Variants in MAP3K2 observed in about 807,000 individuals in gnomAD.
MAP3K2 encodes mitogen-activated protein kinase kinase kinase 2.
A neutral mutation model predicts 80.3 loss-of-function variants in MAP3K2; 24 were observed. That is an observed-to-expected ratio of 0.30 (90% confidence interval 0.22 to 0.42). The LOEUF is 0.42. Among genes scored for constraint, MAP3K2 ranks in the 10% least tolerant of loss-of-function variants. MAP3K2 has a pLI of 1.00. For missense variants in MAP3K2, 608 were observed against 750.1 expected (o/e 0.81, Z 2.21); for synonymous variants, 244 against 253.7 (o/e 0.96, Z 0.36).
In MAP3K2 at chr2:127,307,537, T is replaced by C; in HGVS notation, c.*42A>G. The C allele has an allele frequency of 7.6e-7, 1 of 1,322,862 alleles. No homozygotes were observed. Among genetic ancestry groups the C allele is most frequent in the South Asian group, 1.3e-5 (1 of 76,096 alleles). 81.9% of individuals were successfully genotyped at this position (1,322,862 alleles called of 1,614,324 possible). A position where few individuals can be genotyped will look rare whatever the true frequency, so the allele number is the denominator to read the frequency against. On this transcript the variant is annotated 3_prime_UTR_variant, in exon 17 of 17. Transcript: ENST00000682094. This position sits in a 1 kb window ranked among gnomAD's most constrained non-coding sequence, Gnocchi z 5.4. ...TGCAGTCAGAGAGAAGGTGAATGAA[T>C]AGATGGGAGCTAGGTAGAGGCACAG...
In MAP3K2 at chr2:127,335,902, G is replaced by T; in HGVS notation, c.232C>A (p.Gln78Lys). 1 of 1,573,424 alleles carries T rather than the reference G, an allele frequency of 6.4e-7. No individual in the cohort carries two copies. The highest frequency in any genetic ancestry group is 8.6e-7 in the Non-Finnish European group (1 of 1,156,104). Residue 78 changes from glutamine (Q) to lysine (K), a missense_variant, in exon 5 of 17, where the codon CAG becomes AAG. Coordinates refer to ENST00000682094, the MANE Select transcript of MAP3K2 (RefSeq NM_001371910.2). ...TTGGTATAATGTAGATCCATAGACTGTCCAAAGGCAATTTTAGCTTTAGAT... is the reference window on the plus strand; with the variant it reads ...TTGGTATAATGTAGATCCATAGACTTTCCAAAGGCAATTTTAGCTTTAGAT... ...LRSKAKIAFGQSMDLHYTNNE... is the reference protein window; with the variant it reads ...LRSKAKIAFGKSMDLHYTNNE...
chr2:127,344,423 G>A (rs1318235345), intron 1 of MAP3K2, among the ~76,000 whole-genome samples: 3 of 151,762 alleles, frequency 2.0e-5, no homozygotes, highest in African/African-American at 7.3e-5. Context: ...GCCAAGGTGG[G>A]AGGATCACGT....
chr2:127,316,438 C>T (rs1685906704), intron 14 of MAP3K2, among the ~76,000 whole-genome samples: 1 of 152,134 alleles, frequency 6.6e-6, no homozygotes, highest in Non-Finnish European at 1.5e-5. Flanking sequence ...TTAATCACCA[C>T]CTTGAAAATC....
intron 15 of MAP3K2, among the ~76,000 whole-genome samples, chr2:127,313,008 TTGA>T (rs1685837911): frequency 6.6e-6 from 1 of 152,052 alleles, no homozygotes; most frequent in African/African-American, 2.4e-5. Flanking sequence ...ATCCTGCCAC[TTGA>T]TGATAACCAC....
chr2:127,370,500 G>A (rs1687044327), intron 1 of MAP3K2, among the ~76,000 whole-genome samples: 1 of 152,218 alleles, frequency 6.6e-6, no homozygotes, highest in Non-Finnish European at 1.5e-5. Context: ...GAATTGCTCA[G>A]GCTAGGGTTT....
chr2:127,377,658 T>G (rs908051904), intron 1 of MAP3K2, among the ~76,000 whole-genome samples: 2 of 152,168 alleles, frequency 1.3e-5, no homozygotes, highest in Non-Finnish European at 2.9e-5. Context: ...AGTTTAAAAA[T>G]GTAATATGAA....
chr2:127,375,280 T>A lies in MAP3K2; in HGVS notation c.-66+12172A>T, dbSNP rs1480625315. Reference sequence around the variant, plus strand: ...CATAGCCCCGAACAATGTGGCTTCATCAGACAACACAGGCCCCGGACAGGA... The same window carrying A: ...CATAGCCCCGAACAATGTGGCTTCAACAGACAACACAGGCCCCGGACAGGA... On this transcript the variant is annotated intron_variant, in intron 1 of 16. Transcript: ENST00000682094. 2.0e-5 allele frequency among the ~76,000 whole-genome samples: 3 copies of A among 152,206 alleles called. No homozygotes were observed. The East Asian group carries it at 5.8e-4, about 29-fold the overall frequency.
rs140338489 is a variant in MAP3K2, at chr2:127,339,119, T to G, written c.5-69A>C. 819 of 890,514 alleles carry G rather than the reference T, an allele frequency of 9.2e-4. 4 individuals carry two copies. The East Asian group carries it at 0.013, about 14-fold the overall frequency. 55.2% of individuals were successfully genotyped at this position (890,514 alleles called of 1,614,324 possible). Reference sequence around the variant, plus strand: ...ACATATATATCAACATGTATAGACATCAAACACAAAATTTAAAATAAAATT... The same window carrying G: ...ACATATATATCAACATGTATAGACAGCAAACACAAAATTTAAAATAAAATT... On this transcript the variant is annotated intron_variant, in intron 2 of 16. Coordinates refer to ENST00000682094, the MANE Select transcript of MAP3K2 (RefSeq NM_001371910.2). This position sits in a 1 kb window ranked among gnomAD's most constrained non-coding sequence, Gnocchi z 4.2.
Position 127,310,768 on chromosome 2 carries a change from C to T in MAP3K2, c.1457-2006G>A, listed in dbSNP as rs372704259. Among the ~76,000 whole-genome samples, 139 of 152,058 alleles carry T rather than the reference C, an allele frequency of 9.1e-4. 1 individual carries two copies. The highest frequency in any genetic ancestry group is 2.8e-4 in the Non-Finnish European group (19 of 67,984). ...TTTCTGGGATTATAAATCTAGTTTC[C>T]GTCTTTTATAAATCATTTCTCTTCT... On this transcript the variant is annotated intron_variant, in intron 15 of 16. Transcript: ENST00000682094. The surrounding 1 kb of genome is among the most constrained non-coding windows in gnomAD (Gnocchi z 4.8).
chr2:127,361,731 T>C (rs1438680490), intron 1 of MAP3K2, among the ~76,000 whole-genome samples: 1 of 152,246 alleles, frequency 6.6e-6, no homozygotes, highest in Non-Finnish European at 1.5e-5. Context: ...ATGTGTAGTT[T>C]ATTTGGCAAA....
chr2:127,349,665 C>T (rs1181622212), intron 1 of MAP3K2, among the ~76,000 whole-genome samples: 4 of 152,070 alleles, frequency 2.6e-5, no homozygotes, highest in African/African-American at 9.7e-5. Flanking sequence ...AAAGCTAAGA[C>T]TTGAATACCT....
chr2:127,360,704 C>A (rs996030670), intron 1 of MAP3K2, among the ~76,000 whole-genome samples: 1 of 152,166 alleles, frequency 6.6e-6, no homozygotes, highest in Non-Finnish European at 1.5e-5. Context: ...ACTCTGCAGA[C>A]ATCTTTGCTT....
intron 1 of MAP3K2, chr2:127,378,229 T>C (rs1332181761): frequency 1.3e-6 from 1 of 780,366 alleles, no homozygotes. Flanking sequence ...TTGAAAGAGC[T>C]GAAACAAAAC....
At position 127,314,765 on chromosome 2, in the gene MAP3K2, C is replaced by A. The variant is rs775097125; in HGVS notation, c.1445G>T (p.Arg482Ile). Residue 482 changes from arginine (R) to isoleucine (I), a missense_variant, in exon 15 of 17, where the codon AGA becomes ATA. Transcript: ENST00000682094. ...ACCTCATTACTTACCTTTGATATCT[C>A]TATGGACAATCATATTACTGTGCAA... ...HYLHSNMIVH[R>I]DIKGANILRD... is the part of the protein sequence containing the mutation. 6.2e-7 allele frequency: 1 copy of A among 1,607,614 alleles called. No homozygotes were observed. The highest frequency in any genetic ancestry group is 8.5e-7 in the Non-Finnish European group (1 of 1,175,250).
At chr2:127,344,238 A>G (rs556405316) in intron 1 of MAP3K2, among the ~76,000 whole-genome samples, 20 of 152,258 alleles carry the variant, frequency 1.3e-4, no homozygotes, top group Non-Finnish European at 1.9e-4. Context: ...CCCAGGAGAA[A>G]AGAGACCCTA....
rs932301081 is a variant in MAP3K2, at chr2:127,387,722, T to C, written c.-336A>G. The C allele has an allele frequency of 3.0e-6, 3 of 984,950 alleles. No homozygotes were observed. The highest frequency in any genetic ancestry group is 3.6e-6 in the Non-Finnish European group (3 of 829,792). 61.0% of individuals were successfully genotyped at this position (984,950 alleles called of 1,614,324 possible). ...TCCTCCTGGCGCTCCTCGGCACTTC[T>C]AGCCGCTGCAACCCCGAGGCCCGCG... On this transcript the variant is annotated 5_prime_UTR_variant, in exon 1 of 17. Transcript: ENST00000682094.
intron 15 of MAP3K2, among the ~76,000 whole-genome samples, chr2:127,309,839 G>A (rs1195642968): frequency 6.6e-6 from 1 of 152,158 alleles, no homozygotes; most frequent in Non-Finnish European, 1.5e-5. Flanking sequence ...CAACATCATT[G>A]TTGATGCTGA....
chr2:127,335,656 C>A (rs921805518), intron 5 of MAP3K2, among the ~76,000 whole-genome samples: 5 of 152,142 alleles, frequency 3.3e-5, no homozygotes, highest in African/African-American at 9.7e-5. Flanking sequence ...CTATAATACA[C>A]CCTCATTCAA....
chr2:127,361,366 C>T (rs1033228723), intron 1 of MAP3K2, among the ~76,000 whole-genome samples: 12 of 147,338 alleles, frequency 8.1e-5, no homozygotes, highest in African/African-American at 3.0e-4. Context: ...GTTCTCCCAA[C>T]ATTTTAAGTA....
Sources: gnomAD v4.1 joint callset for allele counts (sites outside exome capture counted in the v4.1 genomes callset) on GRCh38, gnomAD v4.1.1 for gene constraint, Gnocchi (gnomAD v3.1) non-coding constraint, MANE v1.5 for transcripts, NCBI Gene and HGNC (gene_info 2026-07-23, HGNC 2026-07-21) for gene names.